ZNF302: variants seen among roughly 807,000 people sequenced by gnomAD.
ZNF302 encodes the protein zinc finger protein 302.
In ZNF302, 12 loss-of-function variants were observed where a neutral mutation model predicts 10.8. The ratio of observed to expected loss-of-function variants is 1.11; its 90% CI spans 0.71 to 1.79. The LOEUF is 1.79. Among genes scored for constraint, ZNF302 ranks in the 40% most tolerant of loss-of-function variants. The pLI is 0.00. For missense variants in ZNF302, 461 were observed against 471.1 expected (o/e 0.98, Z 0.20); for synonymous variants, 178 against 157.5 (o/e 1.13, Z -0.98).
At position 34,684,289 on chromosome 19, in the gene ZNF302, AAAG is replaced by A. The variant is rs771589739; in HGVS notation, c.256_258del (p.Lys86del). 2.1e-5 allele frequency: 33 copies of A among 1,566,762 alleles called. No individual in the cohort carries two copies. The highest frequency in any genetic ancestry group is 4.2e-5 in the African/African-American group (3 of 72,256). ...GATGGGAAAACAAGGAATTATCAAC[AAAG>A]AAGGATATTTATGATGAAGATTCAC... On this transcript the variant is annotated inframe_deletion, in exon 5 of 5. Transcript: ENST00000505242.
At chr19:34,678,697 T>C (rs1425814049) in intron 1 of ZNF302, 40 bp from the exon 2 acceptor site, 1 of 1,366,046 alleles carries the variant, frequency 7.3e-7, no homozygotes, top group Non-Finnish European at 1.0e-6. Flanking sequence ...ATAAGCCCGA[T>C]TTTTCATGAC....
chr19:34,685,260 A>G lies in ZNF302; in HGVS notation c.*23A>G. On this transcript the variant is annotated 3_prime_UTR_variant, in exon 5 of 5. Transcript: ENST00000505242. ...TAGAAATGCAGGAAATCCTTCAACC[A>G]GCTTGAATCACTGAATATGCATTTG... is the stretch of plus-strand genomic sequence containing the variant. 1 of 1,613,756 alleles carries G rather than the reference A, an allele frequency of 6.2e-7. No individual in the cohort carries two copies. The highest frequency in any genetic ancestry group is 8.5e-7 in the Non-Finnish European group (1 of 1,179,802).
In ZNF302 at chr19:34,682,911, C is replaced by T. The variant is rs766635338; in HGVS notation, c.130+14C>T. The T allele has an allele frequency of 1.2e-6, 2 of 1,612,350 alleles. No individual in the cohort carries two copies. The highest frequency in any genetic ancestry group is 2.2e-5 in the South Asian group (2 of 90,862). The stretch of plus-strand genomic sequence containing the variant: ...TGGTCTCTGTAGGTAAGGATATCAC[C>T]CCTTCCACTCCAATAGGGGACACCT... On this transcript the variant is annotated intron_variant, in intron 3 of 4. Coordinates refer to ENST00000505242, the MANE Select transcript of ZNF302 (RefSeq NM_001289187.2).
rs2068647859 is a variant in ZNF302, at chr19:34,686,253, T to G, written c.*1016T>G. The G allele has an allele frequency of 6.6e-6, 1 of 152,220 alleles. No homozygotes were observed. The highest frequency in any genetic ancestry group is 1.5e-5 in the Non-Finnish European group (1 of 68,030). 9.4% of individuals were successfully genotyped at this position (152,220 alleles called of 1,614,324 possible). On this transcript the variant is annotated 3_prime_UTR_variant, in exon 5 of 5. Coordinates refer to ENST00000505242, the MANE Select transcript of ZNF302 (RefSeq NM_001289187.2). ...TCAGTTGAGTTCTACTTAGAAATTC[T>G]TTTTAGCTAGTGGGCATGTGAAGAT... is the stretch of plus-strand genomic sequence containing the variant.
intron 2 of ZNF302, chr19:34,681,341 G>A (rs1043538979): frequency 6.6e-6 from 1 of 152,190 alleles, no homozygotes; most frequent in Non-Finnish European, 1.5e-5. Flanking sequence ...TGTGAAATGA[G>A]TACTATTGAG....
chr19:34,681,284 A>G (rs2068330827), intron 2 of ZNF302: 1 of 152,274 alleles, frequency 6.6e-6, no homozygotes, highest in Admixed American at 6.5e-5. Context: ...CCAATAAGCT[A>G]TTATTGAATA....
Position 34,685,128 on chromosome 19 carries a change from G to C in ZNF302, c.1091G>C (p.Ser364Thr), listed in dbSNP as rs765204653. The stretch of plus-strand genomic sequence containing the variant: ...CTTACTCAACATCAAAGAATTCACA[G>C]TATGAAGAAAAAATATGAATGCAAC... ...SHLTQHQRIH[S>T]MKKKYECNKC... The change falls in exon 5 of 5, where the codon AGT becomes ACT. Residue 364 changes from serine to threonine, a missense_variant. Physicochemically the swap from Ser to Thr is moderately conservative, Grantham distance 58 (BLOSUM62 1). Transcript: ENST00000505242. 15 of 1,611,204 alleles carry C rather than the reference G, an allele frequency of 9.3e-6. No homozygotes were observed. The East Asian group carries it at 1.1e-4, about 12-fold the overall frequency.
chr19:34,684,612 C>A lies in ZNF302; in HGVS notation c.575C>A (p.Pro192His). 1 of 1,614,016 alleles carries A rather than the reference C, an allele frequency of 6.2e-7. No individual in the cohort carries two copies. Among genetic ancestry groups the A allele is most frequent in the Non-Finnish European group, 8.5e-7 (1 of 1,179,932 alleles). Residue 192 changes from proline to histidine, a missense_variant, in exon 5 of 5, where the codon CCC becomes CAC. Coordinates refer to ENST00000505242, the MANE Select transcript of ZNF302 (RefSeq NM_001289187.2). ...AFNQSKSLTLPQTCNREKIYT... is the reference protein window; with the variant it reads ...AFNQSKSLTLHQTCNREKIYT... ...AACCAGAGCAAATCTCTTACCCTTC[C>A]CCAGACTTGTAATAGAGAGAAAATC...
At chr19:34,681,004 A>G (rs1220221111) in intron 2 of ZNF302, among the ~76,000 whole-genome samples, 1 of 151,838 alleles carries the variant, frequency 6.6e-6, no homozygotes, top group Non-Finnish European at 1.5e-5. Context: ...TTTTTTCTAC[A>G]TTTGTGGAGA....
At position 34,678,742 on chromosome 19, in the gene ZNF302, T is replaced by C; in HGVS notation, c.-63T>C. 1 of 1,604,252 alleles carries C rather than the reference T, an allele frequency of 6.2e-7. No individual in the cohort carries two copies. Among genetic ancestry groups the C allele is most frequent in the Non-Finnish European group, 8.5e-7 (1 of 1,171,268 alleles). ...CTGCCTTTCTGTGCCCTCAGGACAC[T>C]GCCCATCTCTAAGATAAGAACCTGG... On this transcript the variant is annotated 5_prime_UTR_variant, in exon 2 of 5. Transcript: ENST00000505242.
intron 2 of ZNF302, 171 bp from the exon 3 acceptor site, chr19:34,682,606 T>A: frequency 1.1e-6 from 1 of 908,260 alleles, no homozygotes. Flanking sequence ...TATTGTATAA[T>A]TCCAACTACA....
intron 2 of ZNF302, chr19:34,679,726 G>A (rs1286796624): frequency 1.8e-5 from 11 of 600,788 alleles, no homozygotes; most frequent in Non-Finnish European, 3.0e-5. Context: ...TCCACAGTGT[G>A]TGTCACTCAC....
In ZNF302 at chr19:34,684,790, T is replaced by A; in HGVS notation, c.753T>A (p.His251Gln). The A allele has an allele frequency of 6.2e-7, 1 of 1,613,954 alleles. No individual in the cohort carries two copies. The highest frequency in any genetic ancestry group is 8.5e-7 in the Non-Finnish European group (1 of 1,179,880). The part of the protein sequence containing the change: ...GSSLTRHQIS[H>Q]SGEKPYKCIE... ...CCCTTACACGACATCAGATAAGCCA[T>A]AGTGGAGAGAAACCTTACAAATGCA... is the stretch of plus-strand genomic sequence containing the variant. Residue 251 changes from histidine to glutamine, a missense_variant, in exon 5 of 5, where the codon CAT becomes CAA. Physicochemically the swap from His to Gln is conservative, Grantham distance 24. Transcript: ENST00000505242.
At position 34,684,844 on chromosome 19, in the gene ZNF302, C is replaced by G. The variant is rs10401309; in HGVS notation, c.807C>G (p.Gly269=). 173,405 of 1,613,780 alleles carry G rather than the reference C, an allele frequency of 0.11. 10,311 individuals are homozygous for G. The highest frequency in any genetic ancestry group is 0.19 in the Middle Eastern group (1,156 of 6,060). ...CIECGKAFSH[G]SSLTNHQSTH... Reference sequence around the variant, plus strand: ...AATGTGGGAAGGCCTTTAGCCATGGCTCATCACTTACTAACCATCAGAGCA... The same window carrying G: ...AATGTGGGAAGGCCTTTAGCCATGGGTCATCACTTACTAACCATCAGAGCA... The change falls in exon 5 of 5, where the codon GGC becomes GGG. Residue 269 remains glycine, a synonymous_variant. Coordinates refer to ENST00000505242, the MANE Select transcript of ZNF302 (RefSeq NM_001289187.2).
At chr19:34,680,463 T>G (rs1398617174) in intron 2 of ZNF302, among the ~76,000 whole-genome samples, 3 of 152,212 alleles carry the variant, frequency 2.0e-5, no homozygotes, top group Non-Finnish European at 4.4e-5. Context: ...ATTTTAAATT[T>G]TATTTAATTA....
chr19:34,680,002 G>A, intron 2 of ZNF302: 1 of 695,042 alleles, frequency 1.4e-6, no homozygotes, highest in East Asian at 2.7e-5. Context: ...TGTTTTCATG[G>A]AATAATTAAG....
At chr19:34,682,227 T>A (rs1156554432) in intron 2 of ZNF302, 1 of 153,250 alleles carries the variant, frequency 6.5e-6, no homozygotes, top group Non-Finnish European at 1.5e-5. Context: ...ATCTAACCTC[T>A]CAATACTATT....
intron 4 of ZNF302, 69 bp from the exon 5 acceptor site, chr19:34,684,170 GTAAAAAAAAAAAA>G: frequency 4.6e-6 from 1 of 215,108 alleles, no homozygotes; most frequent in Non-Finnish European, 8.5e-6. Flanking sequence ...TTTTCAAGAA[GTAAAAAAAAAAAA>G]AAAAAAAAAA....
intron 4 of ZNF302, among the ~76,000 whole-genome samples, chr19:34,683,454 T>C (rs1051892628): frequency 2.0e-5 from 3 of 152,178 alleles, no homozygotes; most frequent in African/African-American, 7.2e-5. Flanking sequence ...GGTTAGAGGT[T>C]TTTGCCATCA....
Sources: allele counts gnomAD v4.1 joint callset (sites outside exome capture counted in the v4.1 genomes callset), GRCh38; gene constraint gnomAD v4.1.1; transcripts MANE v1.5; gene names NCBI Gene and HGNC (gene_info 2026-07-23, HGNC 2026-07-21).